APOBEC1: variants seen among roughly 807,000 people sequenced by gnomAD.
The protein encoded by APOBEC1 is apolipoprotein B mRNA editing enzyme catalytic subunit 1.
In APOBEC1, 22 loss-of-function variants were observed where a neutral mutation model predicts 26.3. That is an observed-to-expected ratio of 0.84 (90% CI 0.60 to 1.19). APOBEC1 has a LOEUF of 1.19. APOBEC1 is among the 50% of genes most tolerant of loss of function. The probability of loss-of-function intolerance (pLI) is 0.00; values close to 1 mark genes in which losing one functional copy is unlikely to be tolerated. For synonymous variants in APOBEC1, 77 were observed against 95.3 expected (o/e 0.81, Z 1.12); for missense variants, 253 against 289.0 (o/e 0.88, Z 0.90).
rs139398265 is a variant in APOBEC1 at position 7,654,946 on chromosome 12, C to T, written c.17-314G>A. On this transcript the variant is annotated intron_variant, in intron 1 of 4. Transcript: ENST00000229304. ...CTTAGAGGCCGGGTGCGGTGGCTCA[C>T]GCCTGTAATTCTAGCACTTTGGGAG... Among the ~76,000 whole-genome samples the T allele has an allele frequency of 5.8e-4, 88 of 152,304 alleles. No individual in the cohort carries two copies. In the South Asian group the frequency reaches 8.3e-3, roughly 14 times the overall value.
intron 1 of APOBEC1, among the ~76,000 whole-genome samples, chr12:7,659,190 A>G (rs1238456372): frequency 6.9e-6 from 1 of 144,810 alleles, no homozygotes; most frequent in Admixed American, 7.0e-5. Context: ...GCTACTCAGG[A>G]AGCTGAGGCA....
intron 1 of APOBEC1, 64 bp from the exon 2 acceptor site, chr12:7,654,696 G>C (rs1287180398): frequency 8.0e-6 from 12 of 1,500,076 alleles, no homozygotes; most frequent in Admixed American, 3.4e-5. Flanking sequence ...CTAAGAAAAA[G>C]TGCTCTATTA....
intron 1 of APOBEC1, among the ~76,000 whole-genome samples, chr12:7,660,956 G>T (rs2136853107): frequency 6.6e-6 from 1 of 151,516 alleles, no homozygotes; most frequent in Middle Eastern, 3.4e-3. Flanking sequence ...CACTTTGGGA[G>T]GCGGAGGCGG....
At chr12:7,653,489 CTTTT>C (rs57508175) in intron 2 of APOBEC1, among the ~76,000 whole-genome samples, 3,557 of 116,182 alleles carry the variant, frequency 0.031, 126 homozygotes, top group African/African-American at 0.09. Flanking sequence ...TATTCTAACC[CTTTT>C]TTTTTTTTTT....
intron 1 of APOBEC1, among the ~76,000 whole-genome samples, chr12:7,655,764 G>T (rs1384104616): frequency 6.6e-6 from 1 of 152,100 alleles, no homozygotes; most frequent in Middle Eastern, 3.4e-3. Flanking sequence ...CAAGGCAGAA[G>T]GATCTCTTGA....
chr12:7,653,042 G>A (rs189158951), intron 2 of APOBEC1, among the ~76,000 whole-genome samples: 1 of 152,172 alleles, frequency 6.6e-6, no homozygotes, highest in Non-Finnish European at 1.5e-5. Context: ...CGATTTTTCT[G>A]CCTCAACTTC....
upstream of APOBEC1, among the ~76,000 whole-genome samples, chr12:7,666,998 G>T (rs1863901672): frequency 6.7e-6 from 1 of 149,976 alleles, no homozygotes. Flanking sequence ...TGCAACCTCT[G>T]CCTCCCAGGT....
chr12:7,660,398 A>AGGAAGGAC (rs1863798114), intron 1 of APOBEC1, among the ~76,000 whole-genome samples: 1 of 104,744 alleles, frequency 9.5e-6, no homozygotes, highest in Non-Finnish European at 2.1e-5. Context: ...GAAAGAAAGA[A>AGGAAGGAC]AGAAAGAAAG....
intron 1 of APOBEC1, among the ~76,000 whole-genome samples, chr12:7,656,186 G>A (rs1317787395): frequency 1.3e-5 from 2 of 151,760 alleles, no homozygotes; most frequent in African/African-American, 2.4e-5. Context: ...TGGAAGATGT[G>A]TATTTGAGAA....
chr12:7,660,375 G>GTAA (rs1555094887), intron 1 of APOBEC1, among the ~76,000 whole-genome samples: 1 of 23,950 alleles, frequency 4.2e-5, no homozygotes, highest in African/African-American at 1.3e-4. Context: ...AAGGAAGGAA[G>GTAA]GAAAGAAAGA....
At chr12:7,651,554 G>C (rs1395086082) in intron 3 of APOBEC1, among the ~76,000 whole-genome samples, 5 of 149,976 alleles carry the variant, frequency 3.3e-5, no homozygotes, top group African/African-American at 1.2e-4. Context: ...GGAGCTTGCA[G>C]TGAGTCGAGA....
chr12:7,668,931 C>G (rs745725346), upstream of APOBEC1, among the ~76,000 whole-genome samples: 1 of 152,076 alleles, frequency 6.6e-6, no homozygotes, highest in Non-Finnish European at 1.5e-5. Context: ...GAGGTTTCAC[C>G]GTGTTGGCCA....
chr12:7,657,595 G>A (rs925555220), intron 1 of APOBEC1, among the ~76,000 whole-genome samples: 4 of 150,030 alleles, frequency 2.7e-5, no homozygotes, highest in African/African-American at 9.7e-5. Flanking sequence ...AAACCAGGCT[G>A]TAGGCAGTGA....
intron 3 of APOBEC1, among the ~76,000 whole-genome samples, chr12:7,651,438 C>T (rs1308528369): frequency 6.6e-6 from 1 of 151,804 alleles, no homozygotes; most frequent in East Asian, 1.9e-4. Flanking sequence ...CACAGTGAAA[C>T]CCCGTCTCTA....
At chr12:7,655,845 G>A (rs1863707253) in intron 1 of APOBEC1, among the ~76,000 whole-genome samples, 1 of 152,064 alleles carries the variant, frequency 6.6e-6, no homozygotes, top group African/African-American at 2.4e-5. Flanking sequence ...AATTAGCAGG[G>A]TGTGTTAGCA....
At chr12:7,663,743 G>T (rs1404153427) in intron 1 of APOBEC1, among the ~76,000 whole-genome samples, 1 of 152,150 alleles carries the variant, frequency 6.6e-6, no homozygotes, top group Non-Finnish European at 1.5e-5. Flanking sequence ...CATGACTGGG[G>T]ACAGTTTGAG....
intron 1 of APOBEC1, among the ~76,000 whole-genome samples, chr12:7,661,192 C>CGA (rs1334196628): frequency 7.7e-6 from 1 of 130,626 alleles, no homozygotes; most frequent in African/African-American, 3.0e-5. Context: ...GGTGATAGAG[C>CGA]GAGACTCCGT....
At chr12:7,668,517 T>C (rs910313397), upstream of APOBEC1, among the ~76,000 whole-genome samples, 2 of 152,166 alleles carry the variant, frequency 1.3e-5, no homozygotes, top group African/African-American at 4.8e-5. Context: ...TCTGTTTTGT[T>C]TAAGAAAACT....
upstream of APOBEC1, among the ~76,000 whole-genome samples, chr12:7,669,380 G>A (rs371727528): frequency 6.6e-6 from 1 of 152,006 alleles, no homozygotes; most frequent in Non-Finnish European, 1.5e-5. Flanking sequence ...GCTACGATTT[G>A]TATATTCTTC....
Sources: allele counts gnomAD v4.1 joint callset (sites outside exome capture counted in the v4.1 genomes callset), GRCh38; gene constraint gnomAD v4.1.1; transcripts MANE v1.5; gene names NCBI Gene and HGNC (gene_info 2026-07-23, HGNC 2026-07-21).